DENND2C: variants seen among roughly 807,000 people sequenced by gnomAD.
DENND2C encodes the protein DENN domain containing 2C.
A neutral mutation model predicts 112.4 loss-of-function variants in DENND2C; 72 were observed. The observed-to-expected ratio is 0.64, with a 90% CI of 0.53 to 0.78. The LOEUF (loss-of-function observed/expected upper bound fraction) is 0.78. Ranked by LOEUF, DENND2C falls within the 30% of genes least tolerant of loss-of-function variation. DENND2C has a pLI of 0.00. For missense variants in DENND2C, 992 were observed against 1,113.8 expected (o/e 0.89, Z 1.56); for synonymous variants, 329 against 381.6 (o/e 0.86, Z 1.61).
intron 3 of DENND2C, among the ~76,000 whole-genome samples, chr1:114,629,633 C>T (rs1161625483): frequency 1.3e-5 from 2 of 152,186 alleles, no homozygotes; most frequent in Non-Finnish European, 2.9e-5. Flanking sequence ...GACTCTTAAT[C>T]ATGTCCCTTT....
chr1:114,624,673 G>A (rs1656281366), intron 4 of DENND2C, among the ~76,000 whole-genome samples: 1 of 147,910 alleles, frequency 6.8e-6, no homozygotes, highest in Non-Finnish European at 1.5e-5. Flanking sequence ...CCAGGCTGAA[G>A]TGCAGTGTCA....
chr1:114,640,679 T>A (rs1656812559), intron 3 of DENND2C, among the ~76,000 whole-genome samples: 1 of 152,224 alleles, frequency 6.6e-6, no homozygotes, highest in Non-Finnish European at 1.5e-5. Context: ...GAAAATAGTC[T>A]ACAGCTAGAT....
chr1:114,597,144 T>C (rs1460812310), intron 16 of DENND2C, among the ~76,000 whole-genome samples: 1 of 151,950 alleles, frequency 6.6e-6, no homozygotes, highest in Non-Finnish European at 1.5e-5. Flanking sequence ...GTACCCAGAA[T>C]ATAAAAAGAC....
intron 2 of DENND2C, among the ~76,000 whole-genome samples, 174 bp from the exon 3 acceptor site, chr1:114,645,733 T>C (rs934718136): frequency 3.3e-5 from 5 of 152,230 alleles, no homozygotes; most frequent in Non-Finnish European, 5.9e-5. Flanking sequence ...TCTTCTCTAA[T>C]GTTTATCATC....
intron 16 of DENND2C, among the ~76,000 whole-genome samples, chr1:114,598,513 C>G (rs80241050): frequency 6.6e-6 from 1 of 151,568 alleles, no homozygotes; most frequent in African/African-American, 2.4e-5. Flanking sequence ...TAATGAGTAC[C>G]TTTGGTGGGG....
rs1657158597 is a variant in DENND2C at position 114,651,306 on chromosome 1, C to CAT, written c.-317+3198_-317+3199insAT. ...ACACACACACACACACACACACACA[C>CAT]GCCAAGTATGAAACATGTGCCTGTA... On this transcript the variant is annotated intron_variant, in intron 2 of 20. Transcript: ENST00000393274. Among the ~76,000 whole-genome samples, 7 of 150,132 alleles carry CAT rather than the reference C, an allele frequency of 4.7e-5. No homozygotes were observed. The South Asian group carries it at 1.5e-3, about 32-fold the overall frequency.
chr1:114,666,043 A>G (rs1189532422), intron 1 of DENND2C, among the ~76,000 whole-genome samples: 2 of 152,176 alleles, frequency 1.3e-5, no homozygotes, highest in Non-Finnish European at 2.9e-5. Flanking sequence ...TTCCTCCAAT[A>G]TTAAAAAATA....
At chr1:114,658,724 T>C (rs1657399537) in intron 1 of DENND2C, among the ~76,000 whole-genome samples, 1 of 131,396 alleles carries the variant, frequency 7.6e-6, no homozygotes, top group African/African-American at 2.5e-5. Flanking sequence ...GGAAGAAAGG[T>C]GCTACGACTC....
At chr1:114,650,758 A>G (rs1207923321) in intron 2 of DENND2C, among the ~76,000 whole-genome samples, 1 of 151,888 alleles carries the variant, frequency 6.6e-6, no homozygotes, top group Non-Finnish European at 1.5e-5. Flanking sequence ...CAATTGTACA[A>G]TGTAACTTTC....
At chr1:114,664,189 C>A (rs560296589) in intron 1 of DENND2C, among the ~76,000 whole-genome samples, 1 of 152,270 alleles carries the variant, frequency 6.6e-6, no homozygotes, top group East Asian at 1.9e-4. Flanking sequence ...ATCTTCCCAT[C>A]TTGGCCTCCC....
chr1:114,620,263 G>GC (rs1656128389), intron 7 of DENND2C, among the ~76,000 whole-genome samples: 1 of 152,182 alleles, frequency 6.6e-6, no homozygotes. Flanking sequence ...TGCTGTCATG[G>GC]CTTGTTCCTG....
At chr1:114,623,957 A>C (rs893147326) in intron 4 of DENND2C, among the ~76,000 whole-genome samples, 5 of 152,224 alleles carry the variant, frequency 3.3e-5, no homozygotes, top group African/African-American at 1.2e-4. Flanking sequence ...GCTGGTCTTG[A>C]ACTCCTGACT....
chr1:114,642,055 G>A (rs1044334997), intron 3 of DENND2C, among the ~76,000 whole-genome samples: 2 of 152,042 alleles, frequency 1.3e-5, no homozygotes, highest in Non-Finnish European at 2.9e-5. Context: ...CGGTTCAAGT[G>A]GTTCTCCTAC....
chr1:114,595,113 C>T (rs1655306282), intron 17 of DENND2C, among the ~76,000 whole-genome samples: 1 of 152,138 alleles, frequency 6.6e-6, no homozygotes, highest in African/African-American at 2.4e-5. Flanking sequence ...TCTGTTTCTC[C>T]CCATTAGACT....
At chr1:114,633,545 T>C (rs1427026061) in intron 3 of DENND2C, among the ~76,000 whole-genome samples, 3 of 151,584 alleles carry the variant, frequency 2.0e-5, no homozygotes, top group African/African-American at 7.3e-5. Context: ...AGTGGTACTT[T>C]ATACATAATT....
At chr1:114,657,852 A>C (rs1357515788) in intron 1 of DENND2C, among the ~76,000 whole-genome samples, 1 of 152,164 alleles carries the variant, frequency 6.6e-6, no homozygotes, top group Non-Finnish European at 1.5e-5. Flanking sequence ...CACCAGTGGG[A>C]AGGAGTCGCT....
At chr1:114,649,986 C>T (rs1450083756) in intron 2 of DENND2C, among the ~76,000 whole-genome samples, 1 of 151,994 alleles carries the variant, frequency 6.6e-6, no homozygotes, top group Admixed American at 6.6e-5. Flanking sequence ...ACAGTGTATA[C>T]ATAATTGTAT....
chr1:114,631,692 G>T (rs12089725), intron 3 of DENND2C, among the ~76,000 whole-genome samples: 5,377 of 152,220 alleles, frequency 0.035, 324 homozygotes, highest in African/African-American at 0.12. Context: ...TGAGGCAGGA[G>T]AATGGCCAGA....
Position 114,630,448 on chromosome 1 carries a change from C to T in DENND2C, c.-204-4260G>A, listed in dbSNP as rs564075204. On this transcript the variant is annotated intron_variant, in intron 3 of 20. Transcript: ENST00000393274. ...ACTGGAAAAATATATAAAATAAGTG[C>T]TTTCAGATACTGGATAACAGACAGC... Among the ~76,000 whole-genome samples the T allele has an allele frequency of 7.2e-5, 11 of 152,176 alleles. No homozygotes were observed. In the East Asian group the frequency reaches 2.1e-3, roughly 29 times the overall value.
Sources: gnomAD v4.1 joint callset for allele counts (sites outside exome capture counted in the v4.1 genomes callset) on GRCh38, gnomAD v4.1.1 for gene constraint, MANE v1.5 for transcripts, NCBI Gene and HGNC (gene_info 2026-07-23, HGNC 2026-07-21) for gene names.